ATP10D: variants seen among roughly 807,000 people sequenced by gnomAD.
The protein encoded by ATP10D is ATPase phospholipid transporting 10D (putative).
Under a neutral mutation model 144.8 loss-of-function variants are expected in ATP10D, and 89 were observed. That is an observed-to-expected ratio of 0.61 (90% CI 0.52 to 0.73). The LOEUF is 0.73. ATP10D is among the 30% of genes least tolerant of loss of function. The probability of loss-of-function intolerance (pLI) is 0.00; values close to 1 mark genes in which losing one functional copy is unlikely to be tolerated. For missense variants in ATP10D, 1,603 were observed against 1,714.8 expected, an observed-to-expected ratio of 0.93 and a Z score of 1.15; for synonymous variants, 571 against 615.1, an observed-to-expected ratio of 0.93 and a Z score of 1.06.
intron 11 of ATP10D, among the ~76,000 whole-genome samples, chr4:47,557,349 T>C (rs1014953791): frequency 5.9e-5 from 9 of 152,060 alleles, no homozygotes; most frequent in African/African-American, 2.4e-5. Context: ...TTATGTCTTT[T>C]ATTATCAGTT....
chr4:47,530,719 G>T (rs920174837), intron 5 of ATP10D, among the ~76,000 whole-genome samples: 18 of 152,290 alleles, frequency 1.2e-4, no homozygotes, highest in African/African-American at 4.3e-4. Flanking sequence ...GCCTCCCAAA[G>T]TGCTGGTATT....
At chr4:47,506,351 A>C (rs985287811) in intron 1 of ATP10D, among the ~76,000 whole-genome samples, 2 of 141,982 alleles carry the variant, frequency 1.4e-5, no homozygotes, top group African/African-American at 6.3e-5. Context: ...GTAAACAGTA[A>C]TTATTATTAA....
At chr4:47,528,272 A>G (rs1717359866) in intron 5 of ATP10D, among the ~76,000 whole-genome samples, 1 of 151,592 alleles carries the variant, frequency 6.6e-6, no homozygotes, top group Non-Finnish European at 1.5e-5. Context: ...TGGAGTCCCC[A>G]GTGTCTATTA....
At chr4:47,573,807 A>G (rs1009458174) in intron 18 of ATP10D, among the ~76,000 whole-genome samples, 5 of 152,124 alleles carry the variant, frequency 3.3e-5, no homozygotes, top group African/African-American at 4.8e-5. Flanking sequence ...TTTTTAGGGG[A>G]AAAAAAGCCA....
chr4:47,575,992 C>T (rs1310397814), intron 18 of ATP10D, among the ~76,000 whole-genome samples: 18 of 130,238 alleles, frequency 1.4e-4, no homozygotes, highest in African/African-American at 5.1e-4. Flanking sequence ...AGTGCAGTGG[C>T]GCGATCTCGG....
In ATP10D at chr4:47,536,510, A is replaced by G. The variant is rs1717854473; in HGVS notation, c.1089A>G (p.Ile363Met). ...TTCCCGAGCCTGATGGACATATCAT[A>G]TCACCACTGTTGGCAGGATTTTATA... Reference protein sequence around the residue: ...FNVPEPDGHIISPLLAGFYMF... With the variant: ...FNVPEPDGHIMSPLLAGFYMF... Residue 363 changes from isoleucine (I) to methionine (M), a missense_variant, in exon 8 of 23, where the codon ATA becomes ATG. Physicochemically the swap from Ile to Met is conservative, Grantham distance 10 (BLOSUM62 1). Coordinates refer to ENST00000273859, the MANE Select transcript of ATP10D (RefSeq NM_020453.4). 3 of 1,613,720 alleles carry G rather than the reference A, an allele frequency of 1.9e-6. No homozygotes were observed. Among genetic ancestry groups the G allele is most frequent in the Non-Finnish European group, 2.5e-6 (3 of 1,179,694 alleles).
chr4:47,515,735 C>A (rs897689594), intron 3 of ATP10D, 65 bp downstream of exon 3: 1 of 1,310,788 alleles, frequency 7.6e-7, no homozygotes, highest in South Asian at 1.4e-5. Flanking sequence ...CAGAATGTTA[C>A]TTTTTTCTCC....
chr4:47,538,185 T>G (rs1717947265), intron 9 of ATP10D, among the ~76,000 whole-genome samples: 1 of 152,172 alleles, frequency 6.6e-6, no homozygotes, highest in South Asian at 2.1e-4. Context: ...GATTTTTACC[T>G]TTTTATATGT....
chr4:47,514,899 T>TC (rs397795040), intron 2 of ATP10D, among the ~76,000 whole-genome samples: 6 of 152,048 alleles, frequency 3.9e-5, no homozygotes, highest in Admixed American at 3.3e-4. Context: ...TGTGCTTTTT[T>TC]CTATTTTTTT....
chr4:47,572,974 C>G lies in ATP10D; in HGVS notation c.3343C>G (p.Leu1115Val), dbSNP rs1184910645. The change falls in exon 18 of 23, where the codon CTC becomes GTC. Residue 1115 changes from leucine (L) to valine (V), a missense_variant. Transcript: ENST00000273859. Reference sequence around the variant, plus strand: ...TTATACACGGCTTTCCAACATGATTCTCTATTTTTTCTATAAGAATGTGGT... The same window carrying G: ...TTATACACGGCTTTCCAACATGATTGTCTATTTTTTCTATAAGAATGTGGT... The part of the protein sequence containing the change: ...WCYTRLSNMI[L>V]YFFYKNVAYV... 1.2e-6 allele frequency: 2 copies of G among 1,613,960 alleles called. No homozygotes were observed. Among genetic ancestry groups the G allele is most frequent in the African/African-American group, 2.7e-5 (2 of 74,904 alleles).
At position 47,512,708 on chromosome 4, in the gene ATP10D, C is replaced by T. The variant is rs1716412351; in HGVS notation, c.168C>T (p.His56=). 6.2e-7 allele frequency: 1 copy of T among 1,614,230 alleles called. No homozygotes were observed. The highest frequency in any genetic ancestry group is 8.5e-7 in the Non-Finnish European group (1 of 1,180,036). The change falls in exon 2 of 23, where the codon CAC becomes CAT. Residue 56 remains histidine, a synonymous_variant. Coordinates refer to ENST00000273859, the MANE Select transcript of ATP10D (RefSeq NM_020453.4). The stretch of plus-strand genomic sequence containing the variant: ...GAAGGCACCGGATTGTTGTTCCCCA[C>T]ATCCAGCCCTTCAAGGATGAGTATG... ...LSGRHRIVVP[H]IQPFKDEYEK...
intron 18 of ATP10D, among the ~76,000 whole-genome samples, chr4:47,575,032 G>A (rs1320938335): frequency 6.6e-6 from 1 of 152,002 alleles, no homozygotes; most frequent in Non-Finnish European, 1.5e-5. Flanking sequence ...GGCTAGGATG[G>A]TCTTGAACTC....
At chr4:47,577,556 C>G (rs898912918) in intron 19 of ATP10D, among the ~76,000 whole-genome samples, 2 of 152,138 alleles carry the variant, frequency 1.3e-5, no homozygotes, top group Non-Finnish European at 2.9e-5. Flanking sequence ...CAACTTCCAG[C>G]CATAGCAAGC....
At chr4:47,503,857 C>T (rs1459188632) in intron 1 of ATP10D, among the ~76,000 whole-genome samples, 1 of 151,828 alleles carries the variant, frequency 6.6e-6, no homozygotes, top group Admixed American at 6.6e-5. Context: ...AGTGATTGCA[C>T]CACTGCACTC....
intron 1 of ATP10D, among the ~76,000 whole-genome samples, chr4:47,488,612 C>CA (rs56859197): frequency 2.2e-5 from 2 of 91,318 alleles, no homozygotes; most frequent in Non-Finnish European, 4.5e-5. Context: ...ATATAATAAG[C>CA]AAAAAAAAAA....
At chr4:47,584,132 C>T (rs182822051) in intron 21 of ATP10D, among the ~76,000 whole-genome samples, 97 of 152,276 alleles carry the variant, frequency 6.4e-4, no homozygotes, top group Admixed American at 1.4e-3. Context: ...GTTTCTTATG[C>T]TGGAGGATGC....
At chr4:47,581,821 G>C (rs1720533287) in intron 20 of ATP10D, 139 bp from the exon 21 acceptor site, 1 of 640,264 alleles carries the variant, frequency 1.6e-6, no homozygotes, top group Non-Finnish European at 2.8e-6. Context: ...TTGTGGAAAT[G>C]TTCAAGTTTA....
chr4:47,502,818 C>A (rs989700932), intron 1 of ATP10D, among the ~76,000 whole-genome samples: 2 of 151,954 alleles, frequency 1.3e-5, no homozygotes, highest in Non-Finnish European at 2.9e-5. Context: ...TGAAACAATG[C>A]ATCTAGATAC....
intron 12 of ATP10D, 124 bp downstream of exon 12, chr4:47,558,397 G>A (rs763306645): frequency 3.6e-5 from 48 of 1,321,240 alleles, no homozygotes; most frequent in African/African-American, 7.4e-5. Flanking sequence ...TGGTGAAGTA[G>A]GGGGAAGCTG....
Sources: allele counts gnomAD v4.1 joint callset (sites outside exome capture counted in the v4.1 genomes callset), GRCh38; gene constraint gnomAD v4.1.1; transcripts MANE v1.5; gene names NCBI Gene and HGNC (gene_info 2026-07-23, HGNC 2026-07-21).